The following MIPEP variants were observed in gnomAD, a reference collection of about 807,000 sequenced individuals.
The protein encoded by MIPEP is mitochondrial intermediate peptidase.
MIPEP carries 79 observed loss-of-function variants against 90.3 expected under a neutral mutation model. The ratio of observed to expected loss-of-function variants is 0.87; its 90% CI spans 0.73 to 1.05. The LOEUF is 1.05. Among genes scored for constraint, MIPEP ranks in the 50% least tolerant of loss-of-function variants. The pLI is 0.00. For synonymous variants in MIPEP, 334 were observed against 315.8 expected (o/e 1.06, Z -0.61); for missense variants, 940 against 905.6 (o/e 1.04, Z -0.49).
chr13:23,750,634 T>C (rs538528432), intron 18 of MIPEP, among the ~76,000 whole-genome samples: 136 of 152,284 alleles, frequency 8.9e-4, no homozygotes, highest in Non-Finnish European at 1.7e-3. Context: ...GTCTCTAGAG[T>C]GCTCTGGACG....
intron 13 of MIPEP, among the ~76,000 whole-genome samples, chr13:23,837,151 T>C (rs772389030): frequency 6.6e-6 from 1 of 152,232 alleles, no homozygotes. Context: ...ATCATACTTT[T>C]TAAGCATGCT....
intron 4 of MIPEP, among the ~76,000 whole-genome samples, chr13:23,877,059 A>G (rs984593301): frequency 6.6e-6 from 1 of 152,198 alleles, no homozygotes. Flanking sequence ...ATTTTTAAGT[A>G]TAACGCTCTT....
intron 16 of MIPEP, among the ~76,000 whole-genome samples, chr13:23,775,404 T>G (rs1462975662): frequency 3.3e-5 from 5 of 152,164 alleles, no homozygotes; most frequent in Admixed American, 6.5e-5. Context: ...GGTGCTCTTT[T>G]TAGGCTGGGG....
At chr13:23,827,001 G>A (rs1868483892) in intron 14 of MIPEP, among the ~76,000 whole-genome samples, 1 of 152,158 alleles carries the variant, frequency 6.6e-6, no homozygotes, top group Admixed American at 6.5e-5. Context: ...TTTACATTGT[G>A]TTAGGTATTA....
Position 23,881,546 on chromosome 13 carries a change from C to G in MIPEP, c.452+153G>C, listed in dbSNP as rs111641833. Reference sequence around the variant, plus strand: ...CTGCGAGGTGAGCCAATGGCCTGTCCTGAGCCCTCCCTCCGGCCACCCCTG... The same window carrying G: ...CTGCGAGGTGAGCCAATGGCCTGTCGTGAGCCCTCCCTCCGGCCACCCCTG... On this transcript the variant is annotated intron_variant, in intron 3 of 18. Coordinates refer to ENST00000382172, the MANE Select transcript of MIPEP (RefSeq NM_005932.4). 9.4e-4 allele frequency among the ~76,000 whole-genome samples: 143 copies of G among 152,364 alleles called. 1 individual carries two copies. The highest frequency in any genetic ancestry group is 3.3e-3 in the African/African-American group (139 of 41,590).
At chr13:23,858,743 G>A in intron 10 of MIPEP, 117 bp downstream of exon 10, 2 of 806,422 alleles carry the variant, frequency 2.5e-6, no homozygotes, top group Non-Finnish European at 4.2e-6. Context: ...CCAGCAGAAA[G>A]AATGGTGTCA....
At chr13:23,812,017 C>A (rs1953176908) in intron 14 of MIPEP, among the ~76,000 whole-genome samples, 1 of 152,236 alleles carries the variant, frequency 6.6e-6, no homozygotes, top group Non-Finnish European at 1.5e-5. Context: ...GCAAGAAGAA[C>A]CCATTGAGCT....
At chr13:23,809,372 G>A (rs1953147312) in intron 15 of MIPEP, among the ~76,000 whole-genome samples, 1 of 148,106 alleles carries the variant, frequency 6.8e-6, no homozygotes, top group Non-Finnish European at 1.5e-5. Context: ...TTGAGACAGA[G>A]TCTCACTCTG....
chr13:23,766,701 C>G (rs919072143), intron 16 of MIPEP, among the ~76,000 whole-genome samples: 1 of 152,182 alleles, frequency 6.6e-6, no homozygotes, highest in Non-Finnish European at 1.5e-5. Flanking sequence ...CAGTGCCCAA[C>G]AGACAGGAAT....
intron 3 of MIPEP, 97 bp from the exon 4 acceptor site, chr13:23,879,451 G>T (rs1160156992): frequency 3.0e-6 from 2 of 668,514 alleles, no homozygotes; most frequent in Non-Finnish European, 5.2e-6. Context: ...CCACACACAT[G>T]CCCAGAAGCT....
intron 18 of MIPEP, among the ~76,000 whole-genome samples, chr13:23,738,755 A>G (rs1231306196): frequency 6.6e-6 from 1 of 152,086 alleles, no homozygotes; most frequent in Non-Finnish European, 1.5e-5. Context: ...ACTGGCTGAG[A>G]CTTTCTTCTG....
At chr13:23,747,483 C>T (rs1456058249) in intron 18 of MIPEP, 2 of 482,374 alleles carry the variant, frequency 4.1e-6, no homozygotes, top group Non-Finnish European at 8.3e-6. Context: ...GTGGGCAGAA[C>T]CAAGCACTGT....
chr13:23,852,238 A>G (rs1464914480), intron 10 of MIPEP, among the ~76,000 whole-genome samples: 1 of 152,214 alleles, frequency 6.6e-6, no homozygotes, highest in Non-Finnish European at 1.5e-5. Flanking sequence ...AGCTGATTTG[A>G]TACTACCAAG....
At chr13:23,785,276 T>G (rs1260757353) in intron 16 of MIPEP, among the ~76,000 whole-genome samples, 1 of 152,140 alleles carries the variant, frequency 6.6e-6, no homozygotes, top group Non-Finnish European at 1.5e-5. Flanking sequence ...TAAGAAAATG[T>G]GGCACATATA....
chr13:23,775,603 T>C (rs1952706618), intron 16 of MIPEP, among the ~76,000 whole-genome samples: 2 of 152,070 alleles, frequency 1.3e-5, no homozygotes, highest in African/African-American at 2.4e-5. Flanking sequence ...TATGTGCATA[T>C]ATGTTTTACT....
chr13:23,766,848 C>A (rs1952595524), intron 16 of MIPEP, among the ~76,000 whole-genome samples: 1 of 152,236 alleles, frequency 6.6e-6, no homozygotes, highest in African/African-American at 2.4e-5. Context: ...ACAGAAGCTG[C>A]TCCTTGCTCC....
intron 10 of MIPEP, among the ~76,000 whole-genome samples, chr13:23,848,403 T>C (rs1869640333): frequency 6.6e-6 from 1 of 152,148 alleles, no homozygotes. Flanking sequence ...CAAGAAGCTG[T>C]GTAGATGCAG....
At chr13:23,731,444 A>G (rs571418656) in intron 18 of MIPEP, among the ~76,000 whole-genome samples, 1 of 152,322 alleles carries the variant, frequency 6.6e-6, no homozygotes, top group South Asian at 2.1e-4. Flanking sequence ...CTGCATATCC[A>G]TACGGCAGAA....
intron 10 of MIPEP, among the ~76,000 whole-genome samples, chr13:23,851,776 C>G (rs930543545): frequency 2.6e-5 from 4 of 151,982 alleles, no homozygotes; most frequent in East Asian, 1.9e-4. Flanking sequence ...CTTGCTGCAG[C>G]CTTGAACTCC....
Sources: allele counts gnomAD v4.1 joint callset (sites outside exome capture counted in the v4.1 genomes callset), GRCh38; gene constraint gnomAD v4.1.1; transcripts MANE v1.5; gene names NCBI Gene and HGNC (gene_info 2026-07-23, HGNC 2026-07-21).